The following NEGR1 variants were observed in gnomAD, a reference collection of about 807,000 sequenced individuals.
The protein encoded by NEGR1 is IgLON family member 4.
Under a neutral mutation model 40.9 loss-of-function variants are expected in NEGR1, and 10 were observed. The observed-to-expected ratio is 0.24, with a 90% CI of 0.15 to 0.42. The LOEUF is 0.42. Among genes scored for constraint, NEGR1 ranks in the 10% least tolerant of loss-of-function variants. The probability of loss-of-function intolerance (pLI) is 1.00; values close to 1 mark genes in which losing one functional copy is unlikely to be tolerated. For synonymous variants in NEGR1, 185 were observed against 166.8 expected (o/e 1.11, Z -0.84); for missense variants, 352 against 438.9 (o/e 0.80, Z 1.77).
chr1:71,481,190 G>A lies in NEGR1; in HGVS notation c.941-73620C>T, dbSNP rs117398862. 2.0e-5 allele frequency among the ~76,000 whole-genome samples: 3 copies of A among 151,882 alleles called. No homozygotes were observed. The East Asian group carries it at 5.8e-4, about 30-fold the overall frequency. On this transcript the variant is annotated intron_variant, in intron 6 of 6. Transcript: ENST00000357731. ...AGCATTTTGGAAAGCTTAGGCCCAG[G>A]CCTTTCCATGCTATCTTTTCCTGCC...
intron 2 of NEGR1, among the ~76,000 whole-genome samples, chr1:71,934,627 T>G (rs2100229313): frequency 6.6e-6 from 1 of 152,298 alleles, no homozygotes; most frequent in Admixed American, 6.5e-5. Flanking sequence ...TTTCAAACAT[T>G]TAATGTGTCA....
chr1:71,529,763 C>T (rs1293887074), intron 6 of NEGR1, among the ~76,000 whole-genome samples: 3 of 151,072 alleles, frequency 2.0e-5, no homozygotes, highest in Non-Finnish European at 4.5e-5. Context: ...TATGAATTTG[C>T]TAATTCACCA....
At chr1:71,911,682 A>G (rs1268856473) in intron 2 of NEGR1, among the ~76,000 whole-genome samples, 1 of 152,206 alleles carries the variant, frequency 6.6e-6, no homozygotes, top group Non-Finnish European at 1.5e-5. Context: ...TCTGAAGTGT[A>G]GTTACTTTCC....
intron 3 of NEGR1, among the ~76,000 whole-genome samples, chr1:71,742,326 C>T (rs1655238340): frequency 6.6e-6 from 1 of 152,046 alleles, no homozygotes; most frequent in African/African-American, 2.4e-5. Flanking sequence ...GGGAATGTGA[C>T]CCTCACCTAG....
chr1:71,570,438 A>C (rs1174483570), intron 6 of NEGR1, among the ~76,000 whole-genome samples: 1 of 152,148 alleles, frequency 6.6e-6, no homozygotes, highest in Non-Finnish European at 1.5e-5. Flanking sequence ...AAAGAAGTAA[A>C]ATTATCTACA....
At chr1:71,854,056 G>A (rs1228378852) in intron 2 of NEGR1, among the ~76,000 whole-genome samples, 2 of 152,038 alleles carry the variant, frequency 1.3e-5, no homozygotes, top group African/African-American at 4.8e-5. Context: ...TATTAAGCAT[G>A]TTGCATTAAA....
At chr1:72,272,799 G>T (rs754337988) in intron 1 of NEGR1, among the ~76,000 whole-genome samples, 1 of 151,918 alleles carries the variant, frequency 6.6e-6, no homozygotes, top group African/African-American at 2.4e-5. Flanking sequence ...ATTCAGTAAA[G>T]AACAACTTTG....
chr1:71,486,059 G>A lies in NEGR1; in HGVS notation c.941-78489C>T, dbSNP rs548780245. ...GCATGTCTACCAGGAATGAATAAGA[G>A]TTCCAGGAATGAATAAGAGTTCCTG... On this transcript the variant is annotated intron_variant, in intron 6 of 6. Coordinates refer to ENST00000357731, the MANE Select transcript of NEGR1 (RefSeq NM_173808.3). Among the ~76,000 whole-genome samples, 255 of 151,700 alleles carry A rather than the reference G, an allele frequency of 1.7e-3. 2 individuals carry two copies. Among genetic ancestry groups the A allele is most frequent in the African/African-American group, 5.9e-3 (243 of 41,476 alleles).
At position 71,438,730 on chromosome 1, in the gene NEGR1, T is replaced by A. The variant is rs576826809; in HGVS notation, c.941-31160A>T. On this transcript the variant is annotated intron_variant, in intron 6 of 6. Transcript: ENST00000357731. ...TGGTTATCAAAGAAGCCTAGTAATC[T>A]TACACAGACTATCGAAAGTGAGATG... Among the ~76,000 whole-genome samples, 4 of 152,324 alleles carry A rather than the reference T, an allele frequency of 2.6e-5. No individual in the cohort carries two copies. In the East Asian group the frequency reaches 7.7e-4, roughly 29 times the overall value.
At chr1:72,079,746 A>C in intron 1 of NEGR1, among the ~76,000 whole-genome samples, 1 of 152,178 alleles carries the variant, frequency 6.6e-6, no homozygotes. Context: ...TATATGGAAG[A>C]GAATCTCACA....
rs1277202786 is a variant in NEGR1, at chr1:71,841,086, A to C, written c.410-64789T>G. ...TCTCTTTCTCTCTCTCTATATATAT[A>C]CACATCCTATTAGTTCTATTCCTCT... On this transcript the variant is annotated intron_variant, in intron 2 of 6. Coordinates refer to ENST00000357731, the MANE Select transcript of NEGR1 (RefSeq NM_173808.3). Among the ~76,000 whole-genome samples, 4 of 152,184 alleles carry C rather than the reference A, an allele frequency of 2.6e-5. No individual in the cohort carries two copies. In the East Asian group the frequency reaches 7.8e-4, roughly 29 times the overall value.
At chr1:72,040,086 TTAAA>T (rs1267952124) in intron 1 of NEGR1, among the ~76,000 whole-genome samples, 1 of 151,932 alleles carries the variant, frequency 6.6e-6, no homozygotes. Context: ...TCCTGAAAAA[TTAAA>T]TACTTATACC....
intron 1 of NEGR1, among the ~76,000 whole-genome samples, chr1:72,135,024 A>T (rs1226779276): frequency 4.7e-5 from 7 of 148,702 alleles, no homozygotes; most frequent in Non-Finnish European, 8.9e-5. Context: ...GGCGTGAGCC[A>T]CTGCGCCTGG....
chr1:71,678,997 C>T (rs944742524), intron 4 of NEGR1, among the ~76,000 whole-genome samples: 1 of 152,044 alleles, frequency 6.6e-6, no homozygotes, highest in African/African-American at 2.4e-5. Flanking sequence ...AGGACAGTGA[C>T]GGTATCAAGT....
chr1:71,842,357 A>C (rs1659272726), intron 2 of NEGR1, among the ~76,000 whole-genome samples: 1 of 152,150 alleles, frequency 6.6e-6, no homozygotes. Context: ...CTTAGACAAG[A>C]TACAAACTCA....
rs1179572312 is a variant in NEGR1 at position 72,112,689 on chromosome 1, AG to A, written c.176+169629del. 6.6e-5 allele frequency among the ~76,000 whole-genome samples: 8 copies of A among 120,334 alleles called. No homozygotes were observed. In the East Asian group the frequency reaches 1.6e-3, roughly 25 times the overall value. 78.9% of individuals were successfully genotyped at this position (120,334 alleles called of 152,430 possible). A position where few individuals can be genotyped will look rare whatever the true frequency, so the allele number is the denominator to read the frequency against. On this transcript the variant is annotated intron_variant, in intron 1 of 6. Transcript: ENST00000357731. Reference sequence around the variant, plus strand: ...TTCCCTAGACTGGAGGGAGGGGGAAAGAAAAAAAAATGAAGAAAGAGTGATC... The same window carrying A: ...TTCCCTAGACTGGAGGGAGGGGGAAAAAAAAAAAATGAAGAAAGAGTGATC...
At chr1:71,641,873 A>G (rs1450721123) in intron 4 of NEGR1, among the ~76,000 whole-genome samples, 1 of 152,036 alleles carries the variant, frequency 6.6e-6, no homozygotes, top group African/African-American at 2.4e-5. Flanking sequence ...CAAGAATGAC[A>G]TCTTGCTGGA....
intron 1 of NEGR1, among the ~76,000 whole-genome samples, chr1:72,214,008 T>G (rs1301790734): frequency 1.3e-5 from 2 of 152,092 alleles, no homozygotes; most frequent in African/African-American, 4.8e-5. Flanking sequence ...ATCAAAAAGC[T>G]GATCCACCAC....
chr1:72,163,028 A>G (rs545080090), intron 1 of NEGR1, among the ~76,000 whole-genome samples: 1 of 152,100 alleles, frequency 6.6e-6, no homozygotes, highest in East Asian at 1.9e-4. Context: ...GATTTAGGTT[A>G]TCTTTCCTTC....
Sources: allele counts gnomAD v4.1 joint callset (sites outside exome capture counted in the v4.1 genomes callset), GRCh38; gene constraint gnomAD v4.1.1; transcripts MANE v1.5; gene names NCBI Gene and HGNC (gene_info 2026-07-23, HGNC 2026-07-21).